Variants in MTPN observed in about 807,000 individuals in gnomAD.
MTPN encodes granule cell differentiation protein.
Under a neutral mutation model 13.5 loss-of-function variants are expected in MTPN, and 2 were observed. That is an observed-to-expected ratio of 0.15 (90% confidence interval 0.06 to 0.47). The LOEUF is 0.47. Among genes scored for constraint, MTPN ranks in the 20% least tolerant of loss-of-function variants. The pLI is 0.97. For synonymous variants in MTPN, 46 were observed against 51.7 expected, an observed-to-expected ratio of 0.89 and a Z score of 0.48; for missense variants, 79 against 137.9, an observed-to-expected ratio of 0.57 and a Z score of 2.14.
At chr7:135,966,399 A>G (rs114816061) in intron 1 of MTPN, among the ~76,000 whole-genome samples, 1,958 of 150,816 alleles carry the variant, frequency 0.013, 22 homozygotes, top group African/African-American at 0.025. Flanking sequence ...GGGAGCTGCG[A>G]CTCCCTGCAC....
intron 1 of MTPN, among the ~76,000 whole-genome samples, chr7:135,958,673 T>C (rs980469581): frequency 6.6e-6 from 1 of 152,186 alleles, no homozygotes. Flanking sequence ...ATTTTTACAT[T>C]AGGTTATTAC....
chr7:135,949,042 G>T (rs1799325629), intron 3 of MTPN, among the ~76,000 whole-genome samples: 1 of 152,040 alleles, frequency 6.6e-6, no homozygotes, highest in South Asian at 2.1e-4. Flanking sequence ...CCTGGGACAG[G>T]CCAAAAATAA....
chr7:135,962,516 G>T (rs1382293424), intron 1 of MTPN, among the ~76,000 whole-genome samples: 1 of 151,978 alleles, frequency 6.6e-6, no homozygotes, highest in Non-Finnish European at 1.5e-5. Context: ...AACCAATCTG[G>T]AGGTGGTTAA....
At chr7:135,943,198 T>C (rs1300271790) in intron 3 of MTPN, among the ~76,000 whole-genome samples, 1 of 152,218 alleles carries the variant, frequency 6.6e-6, no homozygotes, top group Non-Finnish European at 1.5e-5. Flanking sequence ...TGGGGGAATA[T>C]CTGAAGCTAT....
intron 3 of MTPN, among the ~76,000 whole-genome samples, chr7:135,944,442 G>A (rs190888715): frequency 0.013 from 1,938 of 152,154 alleles, 33 homozygotes; most frequent in African/African-American, 0.044. Context: ...TTGGGAGGCC[G>A]AGGCAGGCGG....
intron 3 of MTPN, among the ~76,000 whole-genome samples, chr7:135,944,989 G>A (rs1799270327): frequency 1.3e-5 from 2 of 152,140 alleles, no homozygotes; most frequent in African/African-American, 4.8e-5. Flanking sequence ...ATATGTTATA[G>A]CCTATTGCTC....
At chr7:135,932,722 T>C (rs1460496431) in intron 3 of MTPN, 2 of 152,044 alleles carry the variant, frequency 1.3e-5, no homozygotes, top group African/African-American at 4.8e-5. Flanking sequence ...TTCATAATGA[T>C]AAAAGGTTCA....
Position 135,951,593 on chromosome 7 carries a change from T to C in MTPN, c.110A>G (p.Lys37Arg). Residue 37 changes from lysine to arginine, a missense_variant, in exon 2 of 4, where the codon AAA (lysine) becomes AGA (arginine). Coordinates refer to ENST00000393085, the MANE Select transcript of MTPN (RefSeq NM_145808.4). ...ACAATCTGCTGCATAATGAAGAGGT[T>C]TCCTTCCACCTTCTAGTGTCCGGTT... Reference protein sequence around the residue: ...DVNRTLEGGRKPLHYAADCGQ... With the variant: ...DVNRTLEGGRRPLHYAADCGQ... The C allele has an allele frequency of 6.2e-7, 1 of 1,613,526 alleles. No individual in the cohort carries two copies. Among genetic ancestry groups the C allele is most frequent in the Non-Finnish European group, 8.5e-7 (1 of 1,179,646 alleles).
chr7:135,964,024 T>C (rs1799568123), intron 1 of MTPN, among the ~76,000 whole-genome samples: 1 of 151,542 alleles, frequency 6.6e-6, no homozygotes, highest in Non-Finnish European at 1.5e-5. Context: ...ACTATCAAAA[T>C]TAAGAAAATC....
chr7:135,972,261 C>CACACACACACACACACACACA (rs35026808), intron 1 of MTPN, among the ~76,000 whole-genome samples: 4 of 90,764 alleles, frequency 4.4e-5, no homozygotes, highest in African/African-American at 1.6e-4. Context: ...ACACACACAC[C>CACACACACACACACACACACA]CCATGTAGAT....
chr7:135,960,438 C>G (rs1799503462), intron 1 of MTPN, among the ~76,000 whole-genome samples: 1 of 151,984 alleles, frequency 6.6e-6, no homozygotes, highest in African/African-American at 2.4e-5. Flanking sequence ...TAGGATTCTT[C>G]TAGTACATAA....
rs1798970791 is a variant in MTPN, at chr7:135,928,943, C to T, written c.*983G>A. On this transcript the variant is annotated 3_prime_UTR_variant, in exon 4 of 4. Coordinates refer to ENST00000393085, the MANE Select transcript of MTPN (RefSeq NM_145808.4). The stretch of plus-strand genomic sequence containing the variant: ...TGATAGCTTTGGTGCAGTAAGTAAT[C>T]AGCCTCCAAGATGGGTCTGAGAGAG... 1 of 167,062 alleles carries T rather than the reference C, an allele frequency of 6.0e-6. No homozygotes were observed. The highest frequency in any genetic ancestry group is 1.5e-5 in the Non-Finnish European group (1 of 68,122). The allele number at this position is 167,062 out of a possible 1,614,324, so 10.3% of individuals were successfully genotyped here. A position where few individuals can be genotyped will look rare whatever the true frequency, so the allele number is the denominator to read the frequency against.
intron 1 of MTPN, among the ~76,000 whole-genome samples, chr7:135,965,001 C>T (rs1799582916): frequency 6.6e-6 from 1 of 152,010 alleles, no homozygotes; most frequent in South Asian, 2.1e-4. Flanking sequence ...GATGTATCAT[C>T]TATGACTGCT....
chr7:135,969,639 A>G (rs567600469), intron 1 of MTPN, among the ~76,000 whole-genome samples: 26 of 152,254 alleles, frequency 1.7e-4, no homozygotes, highest in Admixed American at 4.6e-4. Context: ...GTAATTTTAC[A>G]GAAGAGAAAA....
At position 135,951,615 on chromosome 7, in the gene MTPN, G is replaced by A; in HGVS notation, c.88C>T (p.Arg30Trp). 1.9e-6 allele frequency: 3 copies of A among 1,609,152 alleles called. No individual in the cohort carries two copies. Among genetic ancestry groups the A allele is most frequent in the Non-Finnish European group, 2.5e-6 (3 of 1,177,010 alleles). ...DYVAKGEDVN[R>W]TLEGGRKPLH... ...GGTTTCCTTCCACCTTCTAGTGTCC[G>A]GTTGACATCTTCTCCCTGATAAGAA... The change falls in exon 2 of 4, where the codon CGG becomes TGG. Residue 30 changes from arginine (R) to tryptophan (W), a missense_variant. Arg to Trp is a moderately radical substitution (Grantham distance 101). Coordinates refer to ENST00000393085, the MANE Select transcript of MTPN (RefSeq NM_145808.4).
intron 1 of MTPN, among the ~76,000 whole-genome samples, chr7:135,965,961 G>C (rs770270718): frequency 6.6e-6 from 1 of 152,132 alleles, no homozygotes; most frequent in African/African-American, 2.4e-5. Context: ...GATAACTGTT[G>C]AGGATACAAA....
At chr7:135,934,549 C>T (rs1799084189) in intron 3 of MTPN, among the ~76,000 whole-genome samples, 1 of 152,182 alleles carries the variant, frequency 6.6e-6, no homozygotes, top group East Asian at 1.9e-4. Flanking sequence ...ACAAGGATTA[C>T]CTAGGCTGCC....
intron 3 of MTPN, among the ~76,000 whole-genome samples, chr7:135,948,510 GCAACAC>G (rs1799317417): frequency 6.6e-6 from 1 of 152,066 alleles, no homozygotes; most frequent in African/African-American, 2.4e-5. Flanking sequence ...CAATAATTTA[GCAACAC>G]AGTACACACA....
chr7:135,940,698 T>G lies in MTPN; in HGVS notation c.270+9901A>C, dbSNP rs377099525. Among the ~76,000 whole-genome samples the G allele has an allele frequency of 3.3e-5, 5 of 152,316 alleles. No homozygotes were observed. The East Asian group carries it at 7.7e-4, about 24-fold the overall frequency. ...ACCACATTTAGTTGAAAATTACCCATGGCCTCTCCCCCCAAAATGTTAGGG... is the reference window on the plus strand; with the variant it reads ...ACCACATTTAGTTGAAAATTACCCAGGGCCTCTCCCCCCAAAATGTTAGGG... On this transcript the variant is annotated intron_variant, in intron 3 of 3. Coordinates refer to ENST00000393085, the MANE Select transcript of MTPN (RefSeq NM_145808.4).
Sources: allele counts gnomAD v4.1 joint callset (sites outside exome capture counted in the v4.1 genomes callset), GRCh38; gene constraint gnomAD v4.1.1; transcripts MANE v1.5; gene names NCBI Gene and HGNC (gene_info 2026-07-23, HGNC 2026-07-21).